Variants in RAVER2 observed in about 807,000 individuals in gnomAD.
The protein encoded by RAVER2 is ribonucleoprotein, PTB binding 2.
A neutral mutation model predicts 78.1 loss-of-function variants in RAVER2; 46 were observed. That is an observed-to-expected ratio of 0.59 (90% CI 0.46 to 0.75). The LOEUF is 0.75. RAVER2 is among the 30% of genes least tolerant of loss of function. The pLI is 0.00. For missense variants in RAVER2, 793 were observed against 837.5 expected, an observed-to-expected ratio of 0.95 and a Z score of 0.66; for synonymous variants, 311 against 313.3, an observed-to-expected ratio of 0.99 and a Z score of 0.08.
At chr1:64,805,385 T>C (rs1239239482) in intron 8 of RAVER2, among the ~76,000 whole-genome samples, 1 of 152,196 alleles carries the variant, frequency 6.6e-6, no homozygotes, top group African/African-American at 2.4e-5. Flanking sequence ...CATTTGAGAC[T>C]GACATGCTGC....
chr1:64,795,707 G>A (rs1218350230), intron 5 of RAVER2, among the ~76,000 whole-genome samples: 1 of 151,856 alleles, frequency 6.6e-6, no homozygotes, highest in Non-Finnish European at 1.5e-5. Context: ...GTAGGTTTTT[G>A]CTGGGATTTT....
At chr1:64,762,032 T>A (rs1244277352) in intron 1 of RAVER2, among the ~76,000 whole-genome samples, 1 of 152,098 alleles carries the variant, frequency 6.6e-6, no homozygotes, top group Non-Finnish European at 1.5e-5. Flanking sequence ...GGAAGATCAC[T>A]TGAGCCTAGG....
rs1394009058 is a variant in RAVER2, at chr1:64,797,973, G to A, written c.1106-5003G>A. 2.0e-5 allele frequency among the ~76,000 whole-genome samples: 3 copies of A among 147,456 alleles called. 1 individual carries two copies. On this transcript the variant is annotated intron_variant, in intron 5 of 11. Transcript: ENST00000294428. Reference sequence around the variant, plus strand: ...GTTTTAGGGTACATGTGCACATTGTGCAGGTTAGTTACATATGTATACATG... The same window carrying A: ...GTTTTAGGGTACATGTGCACATTGTACAGGTTAGTTACATATGTATACATG...
At chr1:64,778,139 A>G in intron 3 of RAVER2, 47 bp downstream of exon 3, 1 of 1,330,554 alleles carries the variant, frequency 7.5e-7, no homozygotes, top group Non-Finnish European at 1.0e-6. Flanking sequence ...ATATATACAT[A>G]TGTATCTAAT....
intron 1 of RAVER2, among the ~76,000 whole-genome samples, chr1:64,758,067 C>T (rs751626283): frequency 2.0e-5 from 3 of 152,152 alleles, no homozygotes; most frequent in Non-Finnish European, 4.4e-5. Context: ...CTGGAAGGCA[C>T]CATCACCTTG....
At chr1:64,789,294 G>A (rs1652870146) in intron 4 of RAVER2, 94 bp from the exon 5 acceptor site, 2 of 1,067,492 alleles carry the variant, frequency 1.9e-6, no homozygotes, top group Admixed American at 3.3e-5. Context: ...AATAGATCTT[G>A]TCAGATGAAT....
At chr1:64,773,328 C>T (rs1652371520) in intron 2 of RAVER2, among the ~76,000 whole-genome samples, 1 of 151,990 alleles carries the variant, frequency 6.6e-6, no homozygotes, top group Non-Finnish European at 1.5e-5. Context: ...CTAATGCTAT[C>T]CCTCCCCCGC....
At chr1:64,752,354 C>G (rs950867684) in intron 1 of RAVER2, among the ~76,000 whole-genome samples, 1 of 152,236 alleles carries the variant, frequency 6.6e-6, no homozygotes, top group Admixed American at 6.5e-5. Context: ...TCCCTCCATA[C>G]CACCCAGCTC....
At chr1:64,767,419 C>A (rs145377405) in intron 1 of RAVER2, among the ~76,000 whole-genome samples, 3 of 151,980 alleles carry the variant, frequency 2.0e-5, no homozygotes, top group Non-Finnish European at 2.9e-5. Context: ...GCTATATGTC[C>A]TTGGCAACTT....
intron 5 of RAVER2, among the ~76,000 whole-genome samples, chr1:64,790,713 T>A (rs1047662157): frequency 6.6e-6 from 1 of 152,216 alleles, no homozygotes; most frequent in Admixed American, 6.5e-5. Context: ...CTGGGGTTCT[T>A]GGAACATATC....
chr1:64,767,226 C>A lies in RAVER2; in HGVS notation c.250-1430C>A, dbSNP rs560618671. Among the ~76,000 whole-genome samples, 7 of 151,716 alleles carry A rather than the reference C, an allele frequency of 4.6e-5. No homozygotes were observed. The South Asian group carries it at 1.5e-3, about 32-fold the overall frequency. ...CAACTTCTGTCTTCTTATTTATTAT[C>A]CATTTCTATATTACTCATATGATTA... On this transcript the variant is annotated intron_variant, in intron 1 of 11. Transcript: ENST00000294428.
intron 5 of RAVER2, among the ~76,000 whole-genome samples, chr1:64,797,697 T>C (rs1380422107): frequency 1.3e-5 from 2 of 152,198 alleles, no homozygotes; most frequent in East Asian, 3.8e-4. Flanking sequence ...GTAATATCTT[T>C]TGATCTGGAT....
At chr1:64,782,489 T>C (rs1409458442) in intron 4 of RAVER2, among the ~76,000 whole-genome samples, 1 of 152,244 alleles carries the variant, frequency 6.6e-6, no homozygotes, top group East Asian at 1.9e-4. Flanking sequence ...GGATGAGATA[T>C]TGACTTGTGT....
At chr1:64,797,908 TGTA>T (rs1220840660) in intron 5 of RAVER2, among the ~76,000 whole-genome samples, 1 of 151,736 alleles carries the variant, frequency 6.6e-6, no homozygotes, top group Admixed American at 6.6e-5. Flanking sequence ...TTTAAAGTAA[TGTA>T]GTTTTTTTTT....
chr1:64,750,652 T>C (rs1418541261), intron 1 of RAVER2, among the ~76,000 whole-genome samples: 1 of 152,220 alleles, frequency 6.6e-6, no homozygotes, highest in Non-Finnish European at 1.5e-5. Flanking sequence ...TCTAACAATA[T>C]ATTTGGTAAT....
At chr1:64,762,490 TAC>T (rs948536853) in intron 1 of RAVER2, among the ~76,000 whole-genome samples, 35 of 152,056 alleles carry the variant, frequency 2.3e-4, no homozygotes, top group African/African-American at 8.4e-4. Flanking sequence ...TTGGAAGACT[TAC>T]ACTACCAGAT....
chr1:64,770,694 A>G (rs555935334), intron 2 of RAVER2, among the ~76,000 whole-genome samples: 117 of 152,198 alleles, frequency 7.7e-4, no homozygotes, highest in Non-Finnish European at 1.4e-3. Context: ...TGTTCCATAT[A>G]TATAGTAAGT....
chr1:64,803,549 TA>T (rs1464837962), intron 6 of RAVER2, among the ~76,000 whole-genome samples: 1 of 152,130 alleles, frequency 6.6e-6, no homozygotes. Flanking sequence ...ATATTAGAGA[TA>T]AGCATTACTC....
chr1:64,810,813 A>G (rs1265768494), intron 9 of RAVER2, among the ~76,000 whole-genome samples: 2 of 152,154 alleles, frequency 1.3e-5, no homozygotes, highest in Non-Finnish European at 2.9e-5. Context: ...TTTTCTACAT[A>G]CAGTTGACCC....
Sources: gnomAD v4.1 joint callset for allele counts (sites outside exome capture counted in the v4.1 genomes callset) on GRCh38, gnomAD v4.1.1 for gene constraint, MANE v1.5 for transcripts, NCBI Gene and HGNC (gene_info 2026-07-23, HGNC 2026-07-21) for gene names.